Variants in PML observed in about 807,000 individuals in gnomAD.
The protein encoded by PML is protein PML.
In PML, 28 loss-of-function variants were observed where a neutral mutation model predicts 65.2. The ratio of observed to expected loss-of-function variants is 0.43; its 90% CI spans 0.32 to 0.59. PML has a LOEUF of 0.59. Ranked by LOEUF, PML falls within the 20% of genes least tolerant of loss-of-function variation. The pLI is 0.08. For synonymous variants in PML, 500 were observed against 508.8 expected (o/e 0.98, Z 0.23); for missense variants, 1,021 against 1,203.4 (o/e 0.85, Z 2.24).
At chr15:74,039,516 G>T (rs2071649249) in intron 7 of PML, among the ~76,000 whole-genome samples, 1 of 152,218 alleles carries the variant, frequency 6.6e-6, no homozygotes, top group Non-Finnish European at 1.5e-5. Flanking sequence ...CCAGAGGCTG[G>T]ATGCTGACTA....
At chr15:73,997,712 C>T (rs566623324) in intron 1 of PML, among the ~76,000 whole-genome samples, 2 of 152,304 alleles carry the variant, frequency 1.3e-5, no homozygotes, top group Admixed American at 6.5e-5. Flanking sequence ...AGTGTATCTA[C>T]CTTCCAAACT....
At chr15:74,029,596 C>A (rs1260375884) in intron 4 of PML, among the ~76,000 whole-genome samples, 1 of 151,916 alleles carries the variant, frequency 6.6e-6, no homozygotes, top group Admixed American at 6.6e-5. Context: ...TATACTCCAG[C>A]CGGAGCAACA....
intron 2 of PML, among the ~76,000 whole-genome samples, chr15:74,005,637 C>A (rs554396900): frequency 6.6e-6 from 1 of 151,412 alleles, no homozygotes; most frequent in South Asian, 2.1e-4. Context: ...TCTCAGGATG[C>A]TTTTTCTTGG....
At chr15:74,039,048 C>T (rs530124429) in intron 7 of PML, among the ~76,000 whole-genome samples, 6 of 152,348 alleles carry the variant, frequency 3.9e-5, no homozygotes, top group African/African-American at 1.2e-4. Context: ...GGTGTTTTCA[C>T]CCACTCTTGT....
Position 74,006,568 on chromosome 15 carries a change from G to A in PML, c.602+8092G>A, listed in dbSNP as rs185981092. The stretch of plus-strand genomic sequence containing the variant: ...GCATCTTAATGAAAGAGAAAGAAAT[G>A]TTTAGAGAAGTGGCAGGGTAAAAGA... On this transcript the variant is annotated intron_variant, in intron 2 of 8. Coordinates refer to ENST00000268058, the MANE Select transcript of PML (RefSeq NM_033238.3). Among the ~76,000 whole-genome samples the A allele has an allele frequency of 2.6e-5, 4 of 152,242 alleles. No individual in the cohort carries two copies. The East Asian group carries it at 7.7e-4, about 29-fold the overall frequency.
At chr15:74,010,688 A>G (rs1395699891) in intron 2 of PML, among the ~76,000 whole-genome samples, 1 of 152,164 alleles carries the variant, frequency 6.6e-6, no homozygotes, top group Non-Finnish European at 1.5e-5. Flanking sequence ...CAGATGAAAA[A>G]GAATGCCTGC....
At chr15:74,019,625 T>C (rs1297484488) in intron 2 of PML, among the ~76,000 whole-genome samples, 2 of 152,202 alleles carry the variant, frequency 1.3e-5, no homozygotes, top group Non-Finnish European at 2.9e-5. Context: ...TTCTTATTTT[T>C]CCCCATTCTT....
Position 74,037,423 on chromosome 15 carries a change from A to C in PML, c.1710+2893A>C. On this transcript the variant is annotated intron_variant, in intron 7 of 8. Coordinates refer to ENST00000268058, the MANE Select transcript of PML (RefSeq NM_033238.3). This position sits in a 1 kb window ranked among gnomAD's most constrained non-coding sequence, Gnocchi z 4.2. ...CCTGGGAGCCTCACTCCTCCTCCTC[A>C]TCTCTCTTGCATCTTCTAATGTATC... 1 of 984,868 alleles carries C rather than the reference A, an allele frequency of 1.0e-6. No individual in the cohort carries two copies. Among genetic ancestry groups the C allele is most frequent in the South Asian group, 4.7e-5 (1 of 21,258 alleles). The allele number at this position is 984,868 out of a possible 1,614,324, so 61.0% of individuals were successfully genotyped here.
At chr15:74,004,800 A>T (rs2069958503) in intron 2 of PML, among the ~76,000 whole-genome samples, 1 of 150,930 alleles carries the variant, frequency 6.6e-6, no homozygotes, top group South Asian at 2.1e-4. Flanking sequence ...TTTGCCTCCC[A>T]GGCTCAAGCA....
At chr15:74,034,590 G>A in intron 7 of PML, 60 bp downstream of exon 7, 3 of 1,614,172 alleles carry the variant, frequency 1.9e-6, no homozygotes, top group African/African-American at 2.7e-5. Flanking sequence ...GGTCCCAGGG[G>A]GCACAGCCAC....
In PML at chr15:74,045,788, C is replaced by G. The variant is rs1179814740; in HGVS notation, c.*780C>G. On this transcript the variant is annotated 3_prime_UTR_variant, in exon 9 of 9. Coordinates refer to ENST00000268058, the MANE Select transcript of PML (RefSeq NM_033238.3). The stretch of plus-strand genomic sequence containing the variant: ...CAGCCGTCCCAAGGAGTGCCCAGCA[C>G]TACTCAGCATGTAGTCCAGGACCTG... 10 of 232,860 alleles carry G rather than the reference C, an allele frequency of 4.3e-5. No individual in the cohort carries two copies. The highest frequency in any genetic ancestry group is 8.5e-5 in the Non-Finnish European group (10 of 117,952). The allele number at this position is 232,860 out of a possible 1,614,324, so 14.4% of individuals were successfully genotyped here.
At chr15:74,034,585 CA>C (rs755639247) in intron 7 of PML, 55 bp downstream of exon 7, 5 of 1,614,204 alleles carry the variant, frequency 3.1e-6, no homozygotes, top group African/African-American at 2.7e-5. Context: ...TTTCAGGTCC[CA>C]GGGGGCACAG....
At chr15:74,040,318 C>T (rs768830819) in intron 7 of PML, among the ~76,000 whole-genome samples, 4 of 152,176 alleles carry the variant, frequency 2.6e-5, no homozygotes, top group African/African-American at 7.2e-5. Flanking sequence ...CCTTGATTCC[C>T]GGTCCTCACA....
Position 74,044,507 on chromosome 15 carries a change from GCGTGTGCC to G in PML, c.2151_2158del (p.Val718GlyfsTer32). 1 of 1,614,130 alleles carries G rather than the reference GCGTGTGCC, an allele frequency of 6.2e-7. No individual in the cohort carries two copies. The highest frequency in any genetic ancestry group is 8.5e-7 in the Non-Finnish European group (1 of 1,180,034). Reference sequence around the variant, plus strand: ...TGGCTGCCCTGCCTCTCATCCGGGAGCGTGTGCCCGGGGCCAGCAGCTTCAAACTCAAG... The same window carrying G: ...TGGCTGCCCTGCCTCTCATCCGGGAGCGGGGCCAGCAGCTTCAAACTCAAG... On this transcript the variant is annotated frameshift_variant, in exon 9 of 9. Coordinates refer to ENST00000268058, the MANE Select transcript of PML (RefSeq NM_033238.3). LOFTEE classifies it low-confidence loss of function (END_TRUNC).
intron 4 of PML, chr15:74,025,189 G>A: frequency 1.9e-6 from 1 of 513,140 alleles, no homozygotes. Context: ...TAGATGTGGG[G>A]TAGACAGTCG....
At position 73,998,462 on chromosome 15, in the gene PML, C is replaced by A. The variant is rs751591785; in HGVS notation, c.588C>A (p.Thr196=). 2 of 1,613,900 alleles carry A rather than the reference C, an allele frequency of 1.2e-6. No homozygotes were observed. The highest frequency in any genetic ancestry group is 1.7e-6 in the Non-Finnish European group (2 of 1,179,920). ...NIFCSNPNHR[T]PTLTSIYCRG... ...TCTGCTCCAACCCCAACCACCGCAC[C>A]CCTACGCTGACCAGGTGAGTAGGCC... Residue 196 remains threonine, a synonymous_variant, in exon 2 of 9, where the codon ACC becomes ACA. Transcript: ENST00000268058.
chr15:74,021,358 G>A (rs1389598602), intron 2 of PML, among the ~76,000 whole-genome samples: 2 of 152,146 alleles, frequency 1.3e-5, no homozygotes, highest in Non-Finnish European at 2.9e-5. Flanking sequence ...AGGCTGGGGC[G>A]GGTGGATCAC....
intron 2 of PML, among the ~76,000 whole-genome samples, chr15:74,003,336 G>C (rs185020065): frequency 1.3e-5 from 2 of 152,046 alleles, no homozygotes; most frequent in East Asian, 3.9e-4. Context: ...GGAGGCTGAG[G>C]TAGGAGAATT....
intron 2 of PML, among the ~76,000 whole-genome samples, chr15:74,009,203 T>A (rs1251785882): frequency 6.6e-6 from 1 of 152,194 alleles, no homozygotes; most frequent in Non-Finnish European, 1.5e-5. Context: ...TAAAATTTGC[T>A]GGATGGAGTT....
Sources: gnomAD v4.1 joint callset for allele counts (sites outside exome capture counted in the v4.1 genomes callset) on GRCh38, gnomAD v4.1.1 for gene constraint, Gnocchi (gnomAD v3.1) non-coding constraint, MANE v1.5 for transcripts, NCBI Gene and HGNC (gene_info 2026-07-23, HGNC 2026-07-21) for gene names.